GOSR1: variants seen among roughly 807,000 people sequenced by gnomAD.
GOSR1 encodes golgi SNAP receptor complex member 1.
Under a neutral mutation model 35.5 loss-of-function variants are expected in GOSR1, and 21 were observed. The observed-to-expected ratio is 0.59, with a 90% CI of 0.42 to 0.85. GOSR1 has a LOEUF of 0.85. Among genes scored for constraint, GOSR1 ranks in the 40% least tolerant of loss-of-function variants. The probability of loss-of-function intolerance (pLI) is 0.00; values close to 1 mark genes in which losing one functional copy is unlikely to be tolerated. For missense variants in GOSR1, 285 were observed against 309.6 expected, an observed-to-expected ratio of 0.92 and a Z score of 0.60; for synonymous variants, 94 against 106.6, an observed-to-expected ratio of 0.88 and a Z score of 0.73.
chr17:30,501,746 G>T (rs1967218411), intron 6 of GOSR1, among the ~76,000 whole-genome samples: 1 of 152,140 alleles, frequency 6.6e-6, no homozygotes, highest in Non-Finnish European at 1.5e-5. Flanking sequence ...CACCCGCCTT[G>T]GCCTCCCAAA....
At chr17:30,477,740 G>A in intron 1 of GOSR1, 1 of 985,190 alleles carries the variant, frequency 1.0e-6, no homozygotes, top group Non-Finnish European at 1.2e-6. Flanking sequence ...TCAATCGCCT[G>A]GGTAGAATTG....
At chr17:30,483,893 G>A (rs918151903) in intron 2 of GOSR1, among the ~76,000 whole-genome samples, 4 of 152,208 alleles carry the variant, frequency 2.6e-5, no homozygotes, top group African/African-American at 9.6e-5. Context: ...TAGTACCAAA[G>A]CATGCAGGAC....
chr17:30,514,753 T>C (rs1300211345), intron 7 of GOSR1, among the ~76,000 whole-genome samples: 1 of 152,218 alleles, frequency 6.6e-6, no homozygotes, highest in Non-Finnish European at 1.5e-5. Flanking sequence ...TGTTGGGCCT[T>C]CTGAATTGAT....
At position 30,522,930 on chromosome 17, in the gene GOSR1, C is replaced by T. The variant is rs1021446629; in HGVS notation, c.*552C>T. On this transcript the variant is annotated 3_prime_UTR_variant, in exon 9 of 9. Transcript: ENST00000451249. ...CAACCTCCCTGCCTGATTCTCCTGC[C>T]TCAGCCTGCCGAGTGCCTGCAATTG... 3.7e-5 allele frequency: 7 copies of T among 190,550 alleles called. No homozygotes were observed. The highest frequency in any genetic ancestry group is 6.4e-5 in the Non-Finnish European group (6 of 94,030). The allele number at this position is 190,550 out of a possible 1,614,324, so 11.8% of individuals were successfully genotyped here. A position where few individuals can be genotyped will look rare whatever the true frequency, so the allele number is the denominator to read the frequency against.
At chr17:30,484,082 C>T (rs144859644) in intron 2 of GOSR1, 132 bp from the exon 3 acceptor site, 32 of 537,966 alleles carry the variant, frequency 5.9e-5, no homozygotes, top group Admixed American at 6.3e-5. Flanking sequence ...TGTAAAAGAT[C>T]GTTTCTCACA....
At position 30,523,817 on chromosome 17, in the gene GOSR1, C is replaced by G; in HGVS notation, c.*1439C>G. 4.9e-6 allele frequency: 1 copy of G among 204,998 alleles called. No homozygotes were observed. The highest frequency in any genetic ancestry group is 2.1e-3 in the Middle Eastern group (1 of 470). The allele number at this position is 204,998 out of a possible 1,614,324, so 12.7% of individuals were successfully genotyped here. A position where few individuals can be genotyped will look rare whatever the true frequency, so the allele number is the denominator to read the frequency against. On this transcript the variant is annotated 3_prime_UTR_variant, in exon 9 of 9. Transcript: ENST00000451249. Reference sequence around the variant, plus strand: ...AAAGATTGAGAAATTGGATGGTTGCCGTGTCTGTGTAGAAAGAAGTAGACA... The same window carrying G: ...AAAGATTGAGAAATTGGATGGTTGCGGTGTCTGTGTAGAAAGAAGTAGACA...
At position 30,525,299 on chromosome 17, in the gene GOSR1, A is replaced by G. The variant is rs957666147; in HGVS notation, c.*2921A>G. The G allele has an allele frequency of 1.3e-5, 2 of 152,224 alleles. No homozygotes were observed. Among genetic ancestry groups the G allele is most frequent in the Admixed American group, 6.5e-5 (1 of 15,276 alleles). The allele number at this position is 152,224 out of a possible 1,614,324, so 9.4% of individuals were successfully genotyped here. A position where few individuals can be genotyped will look rare whatever the true frequency, so the allele number is the denominator to read the frequency against. ...TTCATTCTGGTGTCAAAGTTTTGTT[A>G]CATTATGGGTGTGAAGGGCATTTGA... On this transcript the variant is annotated 3_prime_UTR_variant, in exon 9 of 9. Transcript: ENST00000451249.
intron 6 of GOSR1, among the ~76,000 whole-genome samples, chr17:30,498,927 T>A (rs1032627741): frequency 2.0e-5 from 3 of 152,200 alleles, no homozygotes; most frequent in Admixed American, 6.5e-5. Context: ...TTAACAAATA[T>A]ATAGACTCTT....
chr17:30,484,544 TG>T, intron 3 of GOSR1, 118 bp from the exon 4 acceptor site: 1 of 617,618 alleles, frequency 1.6e-6, no homozygotes, highest in Non-Finnish European at 2.9e-6. Flanking sequence ...TTTTTTGTTT[TG>T]TTTTGTTTTG....
intron 4 of GOSR1, among the ~76,000 whole-genome samples, chr17:30,489,517 C>T (rs1172561993): frequency 6.6e-6 from 1 of 152,114 alleles, no homozygotes; most frequent in African/African-American, 2.4e-5. Flanking sequence ...ATATTCTCCT[C>T]CATGTTTATG....
At chr17:30,515,623 C>A (rs1008632564) in intron 7 of GOSR1, among the ~76,000 whole-genome samples, 1 of 152,208 alleles carries the variant, frequency 6.6e-6, no homozygotes, top group Non-Finnish European at 1.5e-5. Flanking sequence ...CACAGTTCTG[C>A]CCTCAGAGAG....
intron 5 of GOSR1, among the ~76,000 whole-genome samples, chr17:30,491,918 T>A (rs1303390479): frequency 6.6e-6 from 1 of 152,138 alleles, no homozygotes; most frequent in African/African-American, 2.4e-5. Context: ...CTGAGTCCAA[T>A]GTGTTCTTGG....
In GOSR1 at chr17:30,517,591, A is replaced by ATT. The variant is rs569883459; in HGVS notation, c.540-2337_540-2336dup. On this transcript the variant is annotated intron_variant, in intron 7 of 8. Transcript: ENST00000451249. ...CAAATGTTACTTCCAGTTTTGGGGG[A>ATT]TTTTTTTTTTTTGGTCTTTTTGCTG... Among the ~76,000 whole-genome samples the ATT allele has an allele frequency of 1.8e-3, 263 of 144,300 alleles. 2 individuals carry two copies. Among genetic ancestry groups the ATT allele is most frequent in the African/African-American group, 5.6e-3 (224 of 39,818 alleles). The allele number at this position is 144,300 out of a possible 152,430, so 94.7% of individuals were successfully genotyped here.
Position 30,484,250 on chromosome 17 carries a change from A to G in GOSR1, c.183A>G (p.Gln61=), listed in dbSNP as rs140499540. 6.8e-6 allele frequency: 11 copies of G among 1,612,340 alleles called. No homozygotes were observed. In the African/African-American group the frequency reaches 1.1e-4, roughly 16 times the overall value. The stretch of plus-strand genomic sequence containing the variant: ...CACCCCTTTTAAATGGATCAAGCCA[A>G]GACAGAATGTTTGAGACAATGGCGA... ...DTTPLLNGSS[Q]DRMFETMAIE... Residue 61 remains glutamine, a synonymous_variant, in exon 3 of 9, where the codon CAA becomes CAG. Transcript: ENST00000451249.
chr17:30,516,201 T>C (rs561366406), intron 7 of GOSR1, among the ~76,000 whole-genome samples: 1 of 152,272 alleles, frequency 6.6e-6, no homozygotes, highest in East Asian at 1.9e-4. Flanking sequence ...CCGGGCGCGG[T>C]GGCTCACGCC....
chr17:30,481,343 A>C, intron 2 of GOSR1, 86 bp downstream of exon 2: 1 of 960,456 alleles, frequency 1.0e-6, no homozygotes, highest in Non-Finnish European at 1.6e-6. Flanking sequence ...TAACTTCTGT[A>C]AGTTGGTCTA....
At chr17:30,497,033 A>C (rs1394725517) in intron 6 of GOSR1, among the ~76,000 whole-genome samples, 1 of 152,188 alleles carries the variant, frequency 6.6e-6, no homozygotes, top group Admixed American at 6.5e-5. Flanking sequence ...TATTTAAAAT[A>C]TTATCCTAAT....
chr17:30,482,510 C>T (rs9911550), intron 2 of GOSR1, among the ~76,000 whole-genome samples: 12,301 of 152,172 alleles, frequency 0.081, 611 homozygotes, highest in African/African-American at 0.14. Context: ...TTAATCCACA[C>T]TTATTTTACA....
chr17:30,508,356 G>A (rs1597790563), intron 6 of GOSR1, among the ~76,000 whole-genome samples: 1 of 152,108 alleles, frequency 6.6e-6, no homozygotes, highest in South Asian at 2.1e-4. Context: ...CCTAGATTTT[G>A]GAATATCTTA....
Sources: gnomAD v4.1 joint callset for allele counts (sites outside exome capture counted in the v4.1 genomes callset) on GRCh38, gnomAD v4.1.1 for gene constraint, MANE v1.5 for transcripts, NCBI Gene and HGNC (gene_info 2026-07-23, HGNC 2026-07-21) for gene names.